Variants in ATXN2 observed in about 807,000 individuals in gnomAD.
ATXN2 encodes ataxin-2.
ATXN2 carries 37 observed loss-of-function variants against 138.6 expected under a neutral mutation model. The ratio of observed to expected loss-of-function variants is 0.27; its 90% CI spans 0.21 to 0.35. The LOEUF is 0.35. ATXN2 is among the 10% of genes least tolerant of loss of function. ATXN2 has a pLI of 1.00. For missense variants in ATXN2, 1,216 were observed against 1,480.3 expected (o/e 0.82, Z 2.93); for synonymous variants, 549 against 543.7 (o/e 1.01, Z -0.13).
intron 1 of ATXN2, among the ~76,000 whole-genome samples, chr12:111,571,546 G>A (rs899494814): frequency 1.3e-5 from 2 of 152,036 alleles, no homozygotes; most frequent in African/African-American, 4.8e-5. Context: ...CAGACACTGG[G>A]CACTGGACCT....
intron 22 of ATXN2, 120 bp from the exon 23 acceptor site, chr12:111,456,376 G>C: frequency 9.5e-7 from 1 of 1,054,644 alleles, no homozygotes; most frequent in East Asian, 2.5e-5. Context: ...GGAAAGTACA[G>C]GAGAATGTAC....
chr12:111,578,719 T>C (rs1484033867), intron 1 of ATXN2, among the ~76,000 whole-genome samples: 1 of 152,058 alleles, frequency 6.6e-6, no homozygotes, highest in Non-Finnish European at 1.5e-5. Flanking sequence ...ATGCTCAATA[T>C]CACTGGGCAT....
In ATXN2 at chr12:111,552,317, T is replaced by C. The variant is rs142355910; in HGVS notation, c.534A>G (p.Val178=). The C allele has an allele frequency of 1.2e-6, 2 of 1,612,944 alleles. No individual in the cohort carries two copies. Among genetic ancestry groups the C allele is most frequent in the African/African-American group, 2.7e-5 (2 of 74,934 alleles). Residue 178 remains valine, a synonymous_variant, in exon 5 of 25, where the codon GTA becomes GTG. Coordinates refer to ENST00000673436, the MANE Select transcript of ATXN2 (RefSeq NM_001372574.1). This position sits in a 1 kb window ranked among gnomAD's most constrained non-coding sequence, Gnocchi z 4.1. ...AACTGGAGTCCATATCTTTAAACTG[T>C]ACCACAACAAAGTCTGAACATTTGA... ...ILFKCSDFVV[V]QFKDMDSSYA...
At chr12:111,520,213 A>T in intron 7 of ATXN2, 137 bp from the exon 8 acceptor site, 5 of 1,120,816 alleles carry the variant, frequency 4.5e-6, no homozygotes, top group Non-Finnish European at 6.2e-6. Flanking sequence ...CTAAAACTAA[A>T]AGTTATAGTG....
intron 5 of ATXN2, among the ~76,000 whole-genome samples, chr12:111,528,023 A>G (rs1045507388): frequency 6.6e-6 from 1 of 152,344 alleles, no homozygotes; most frequent in South Asian, 2.1e-4. Context: ...ACTACACTAT[A>G]GGAAAATTCC....
intron 1 of ATXN2, among the ~76,000 whole-genome samples, chr12:111,566,717 A>G (rs1462787065): frequency 2.7e-5 from 4 of 150,866 alleles, no homozygotes; most frequent in Non-Finnish European, 5.9e-5. Context: ...ACTCACTGCA[A>G]CCTCCACCTC....
At chr12:111,560,383 G>C (rs976581171) in intron 1 of ATXN2, among the ~76,000 whole-genome samples, 12 of 152,118 alleles carry the variant, frequency 7.9e-5, no homozygotes, top group Non-Finnish European at 1.5e-4. Context: ...TGAGGGACTA[G>C]AGCATCCATA....
At position 111,485,319 on chromosome 12, in the gene ATXN2, T is replaced by G. The variant is rs1338140819; in HGVS notation, c.2470A>C (p.Ile824Leu). 1 of 1,612,896 alleles carries G rather than the reference T, an allele frequency of 6.2e-7. No individual in the cohort carries two copies. The highest frequency in any genetic ancestry group is 8.5e-7 in the Non-Finnish European group (1 of 1,179,278). ...VSPGVQPLYP[I>L]PMTPMPVNQA... ...TTCACTGGCATGGGCGTCATAGGTATTGGGTATAAAGGCTTGAGAGAATTA... is the reference window on the plus strand; with the variant it reads ...TTCACTGGCATGGGCGTCATAGGTAGTGGGTATAAAGGCTTGAGAGAATTA... The change falls in exon 18 of 25, where the codon ATA (isoleucine) becomes CTA (leucine). Residue 824 changes from isoleucine to leucine, a missense_variant. This residue lies in a region of ATXN2 where 490 missense variants were observed against 653.5 expected (regional missense o/e 0.75). Coordinates refer to ENST00000673436, the MANE Select transcript of ATXN2 (RefSeq NM_001372574.1).
intron 1 of ATXN2, among the ~76,000 whole-genome samples, chr12:111,563,305 G>GTA (rs1344727366): frequency 2.0e-5 from 3 of 151,960 alleles, no homozygotes; most frequent in South Asian, 2.1e-4. Flanking sequence ...ATATATGTGT[G>GTA]TATATATATG....
chr12:111,594,802 G>GA (rs1428738665), intron 1 of ATXN2, among the ~76,000 whole-genome samples: 2 of 152,030 alleles, frequency 1.3e-5, no homozygotes, highest in Non-Finnish European at 2.9e-5. Flanking sequence ...ACTTTCAGAT[G>GA]AAAAAGAAAG....
intron 1 of ATXN2, among the ~76,000 whole-genome samples, chr12:111,573,815 C>T (rs985540754): frequency 1.3e-5 from 2 of 151,262 alleles, no homozygotes; most frequent in Admixed American, 1.3e-4. Flanking sequence ...CATTTATTAC[C>T]TAAATAAAAT....
At chr12:111,470,890 G>C (rs987388861) in intron 18 of ATXN2, 148 bp from the exon 19 acceptor site, 21 of 794,700 alleles carry the variant, frequency 2.6e-5, no homozygotes, top group Non-Finnish European at 2.0e-6. Context: ...GCCACTCTGG[G>C]TTATTTTCCT....
rs1885124231 is a variant in ATXN2 at position 111,599,117 on chromosome 12, G to C, written c.-83C>G. On this transcript the variant is annotated 5_prime_UTR_variant, in exon 1 of 25. Transcript: ENST00000673436. Reference sequence around the variant, plus strand: ...CGCCAAGGAGACGCCGGAACGCGGCGGGGACGCGCGGGCGCCGAGCGGGGA... The same window carrying C: ...CGCCAAGGAGACGCCGGAACGCGGCCGGGACGCGCGGGCGCCGAGCGGGGA... 1 of 1,256,788 alleles carries C rather than the reference G, an allele frequency of 8.0e-7. No homozygotes were observed. The allele number at this position is 1,256,788 out of a possible 1,614,324, so 77.9% of individuals were successfully genotyped here. A position where few individuals can be genotyped will look rare whatever the true frequency, so the allele number is the denominator to read the frequency against.
Position 111,452,763 on chromosome 12 carries a change from CAGT to C in ATXN2, c.*46_*48del. On this transcript the variant is annotated 3_prime_UTR_variant, in exon 25 of 25. Coordinates refer to ENST00000673436, the MANE Select transcript of ATXN2 (RefSeq NM_001372574.1). ...TTTCTGTGCTTCCAGTTGGTAGAAG[CAGT>C]AGAAGGGAGGAGGGAATTTGGCCTT... 6.4e-7 allele frequency: 1 copy of C among 1,554,524 alleles called. No individual in the cohort carries two copies. The highest frequency in any genetic ancestry group is 1.7e-4 in the Middle Eastern group (1 of 5,950).
chr12:111,581,429 CCTAA>C (rs1384090788), intron 1 of ATXN2: 8 of 763,764 alleles, frequency 1.0e-5, no homozygotes, highest in African/African-American at 5.2e-5. Context: ...CGGCCATCCC[CCTAA>C]CTATGAGATG....
At chr12:111,476,771 T>C (rs1230148673) in intron 18 of ATXN2, among the ~76,000 whole-genome samples, 4 of 152,176 alleles carry the variant, frequency 2.6e-5, no homozygotes, top group African/African-American at 7.2e-5. Flanking sequence ...TATGATGACC[T>C]CAATGAAGAT....
At chr12:111,507,566 G>A (rs1348512381) in intron 14 of ATXN2, among the ~76,000 whole-genome samples, 7 of 146,162 alleles carry the variant, frequency 4.8e-5, no homozygotes, top group East Asian at 2.1e-4. Context: ...CCAGCCAGCC[G>A]CCCCGTCCGG....
chr12:111,555,987 TTAAAA>T (rs1882367173), intron 1 of ATXN2, 68 bp from the exon 2 acceptor site: 1 of 1,251,670 alleles, frequency 8.0e-7, no homozygotes, highest in African/African-American at 1.5e-5. Flanking sequence ...ATTTCCAAAC[TTAAAA>T]TATAATTCCA....
intron 14 of ATXN2, among the ~76,000 whole-genome samples, chr12:111,490,975 G>A (rs1877991244): frequency 2.0e-5 from 3 of 152,166 alleles, no homozygotes; most frequent in South Asian, 4.2e-4. Flanking sequence ...TCTGAATTTC[G>A]GGCTGGGCAC....
Sources: gnomAD v4.1 joint callset for allele counts (sites outside exome capture counted in the v4.1 genomes callset) on GRCh38, gnomAD v4.1.1 for gene constraint, gnomAD v4.1.1 regional missense constraint, Gnocchi (gnomAD v3.1) non-coding constraint, MANE v1.5 for transcripts, NCBI Gene and HGNC (gene_info 2026-07-23, HGNC 2026-07-21) for gene names.